The following SLC49A4 variants were observed in gnomAD, a reference collection of about 807,000 sequenced individuals.
The protein encoded by SLC49A4 is disrupted in renal cancer protein 2.
Under a neutral mutation model 50.6 loss-of-function variants are expected in SLC49A4, and 36 were observed. The ratio of observed to expected loss-of-function variants is 0.71; its 90% CI spans 0.55 to 0.94. The LOEUF is 0.94. Ranked by LOEUF, SLC49A4 falls within the 40% of genes least tolerant of loss-of-function variation. The probability of loss-of-function intolerance (pLI) is 0.00; values close to 1 mark genes in which losing one functional copy is unlikely to be tolerated. For missense variants in SLC49A4, 503 were observed against 605.7 expected, an observed-to-expected ratio of 0.83 and a Z score of 1.78; for synonymous variants, 248 against 241.2, an observed-to-expected ratio of 1.03 and a Z score of -0.26.
chr3:122,839,184 A>C (rs148481647), intron 4 of SLC49A4, among the ~76,000 whole-genome samples: 1,822 of 152,314 alleles, frequency 0.012, 26 homozygotes, highest in Non-Finnish European at 0.017. Context: ...AAAACTGGCA[A>C]GCCACAAGTA....
At chr3:122,835,565 A>T (rs1411565333) in intron 4 of SLC49A4, among the ~76,000 whole-genome samples, 7 of 147,972 alleles carry the variant, frequency 4.7e-5, no homozygotes, top group East Asian at 3.9e-4. Flanking sequence ...TCTTTATGAT[A>T]AAAAAAAAAC....
chr3:122,868,899 A>G (rs748664438), intron 7 of SLC49A4, among the ~76,000 whole-genome samples: 3 of 152,186 alleles, frequency 2.0e-5, no homozygotes, highest in Non-Finnish European at 4.4e-5. Flanking sequence ...TTTATCCTAC[A>G]TATAGTAGCC....
intron 3 of SLC49A4, among the ~76,000 whole-genome samples, chr3:122,832,673 A>G (rs1473412984): frequency 6.6e-6 from 1 of 152,064 alleles, no homozygotes; most frequent in Non-Finnish European, 1.5e-5. Context: ...CTTTTATAGT[A>G]AGGTACTGTT....
At chr3:122,821,711 C>T (rs1936455253) in intron 2 of SLC49A4, among the ~76,000 whole-genome samples, 2 of 152,180 alleles carry the variant, frequency 1.3e-5, no homozygotes, top group Admixed American at 1.3e-4. Flanking sequence ...TTCTGCCCAC[C>T]CTTCCCAAGT....
intron 8 of SLC49A4, among the ~76,000 whole-genome samples, chr3:122,873,183 C>CTT (rs11297324): frequency 6.9e-6 from 1 of 145,738 alleles, no homozygotes. Flanking sequence ...AATTTTGAAA[C>CTT]TTTTTTTTTT....
chr3:122,800,645 T>A (rs1304101910), intron 1 of SLC49A4, among the ~76,000 whole-genome samples: 1 of 152,156 alleles, frequency 6.6e-6, no homozygotes, highest in East Asian at 1.9e-4. Flanking sequence ...TGGGATGTGG[T>A]CCTCCAGGGC....
chr3:122,833,975 T>G (rs1936640783), intron 4 of SLC49A4, among the ~76,000 whole-genome samples: 1 of 152,180 alleles, frequency 6.6e-6, no homozygotes, highest in Non-Finnish European at 1.5e-5. Context: ...TTATTTAATT[T>G]TATTGGTATA....
chr3:122,831,966 CA>C (rs564682072), intron 3 of SLC49A4, among the ~76,000 whole-genome samples: 371 of 130,662 alleles, frequency 2.8e-3, no homozygotes, highest in African/African-American at 5.2e-3. Flanking sequence ...CTGAAAACAC[CA>C]AAAAAAAAAA....
Position 122,835,907 on chromosome 3 carries a change from C to G in SLC49A4, c.833+2461C>G, listed in dbSNP as rs530312961. Among the ~76,000 whole-genome samples, 18 of 152,214 alleles carry G rather than the reference C, an allele frequency of 1.2e-4. No individual in the cohort carries two copies. The South Asian group carries it at 3.3e-3, about 28-fold the overall frequency. ...ATTTGATAAATGAATTCAGTAAACT[C>G]TCAGGTTACAAAATCAGTGTACACA... On this transcript the variant is annotated intron_variant, in intron 4 of 8. Transcript: ENST00000261038.
At chr3:122,851,705 A>G (rs891774312) in intron 5 of SLC49A4, among the ~76,000 whole-genome samples, 3 of 152,084 alleles carry the variant, frequency 2.0e-5, no homozygotes, top group African/African-American at 2.4e-5. Flanking sequence ...GAAAATTTCT[A>G]GTCAGTGTCT....
chr3:122,869,368 A>G (rs1305553415), intron 7 of SLC49A4, among the ~76,000 whole-genome samples: 3 of 152,100 alleles, frequency 2.0e-5, no homozygotes, highest in African/African-American at 7.2e-5. Flanking sequence ...TTTTTCACTT[A>G]TGTATCTTAG....
At chr3:122,823,463 T>C (rs1308775812) in intron 2 of SLC49A4, among the ~76,000 whole-genome samples, 2 of 152,268 alleles carry the variant, frequency 1.3e-5, no homozygotes, top group Admixed American at 1.3e-4. Flanking sequence ...TTTTTCTTTA[T>C]ATTCCTGCTA....
chr3:122,846,423 A>T (rs78718045), intron 5 of SLC49A4, among the ~76,000 whole-genome samples: 5 of 152,014 alleles, frequency 3.3e-5, no homozygotes, highest in South Asian at 2.1e-4. Flanking sequence ...AAAAAAAAAA[A>T]TTTGTCTATT....
chr3:122,850,171 C>T (rs776530996), intron 5 of SLC49A4, among the ~76,000 whole-genome samples: 14 of 152,204 alleles, frequency 9.2e-5, no homozygotes, highest in African/African-American at 1.9e-4. Flanking sequence ...TCAGAAAAAT[C>T]GGATCCGTCA....
intron 1 of SLC49A4, among the ~76,000 whole-genome samples, chr3:122,799,078 G>C (rs546237785): frequency 2.0e-5 from 3 of 152,052 alleles, no homozygotes; most frequent in Non-Finnish European, 2.9e-5. Context: ...GTGTGCCCTC[G>C]AAGCTAACTA....
In SLC49A4 at chr3:122,832,557, A is replaced by C. The variant is rs113913775; in HGVS notation, c.704-760A>C. Reference sequence around the variant, plus strand: ...TCTGTCTTATACAATGCATCAGACTATCCTATTATGAATCAAACAAACCTC... The same window carrying C: ...TCTGTCTTATACAATGCATCAGACTCTCCTATTATGAATCAAACAAACCTC... On this transcript the variant is annotated intron_variant, in intron 3 of 8. Transcript: ENST00000261038. Among the ~76,000 whole-genome samples, 57 of 152,306 alleles carry C rather than the reference A, an allele frequency of 3.7e-4. 1 individual carries two copies. The highest frequency in any genetic ancestry group is 1.4e-3 in the African/African-American group (57 of 41,580).
intron 2 of SLC49A4, among the ~76,000 whole-genome samples, chr3:122,819,027 G>A (rs1018536813): frequency 2.0e-5 from 3 of 151,944 alleles, no homozygotes; most frequent in African/African-American, 4.8e-5. Flanking sequence ...GCCAAGGCAG[G>A]AGGATCACTT....
At chr3:122,855,273 A>T (rs1936972515) in intron 5 of SLC49A4, among the ~76,000 whole-genome samples, 1 of 152,194 alleles carries the variant, frequency 6.6e-6, no homozygotes. Context: ...TTATTCTGGC[A>T]ACAGTGAGCA....
At position 122,795,372 on chromosome 3, in the gene SLC49A4, GCTGGCGTT is replaced by G. The variant is rs763324187; in HGVS notation, c.182_189del (p.Leu61ArgfsTer81). 6.3e-7 allele frequency: 1 copy of G among 1,598,640 alleles called. No homozygotes were observed. Among genetic ancestry groups the G allele is most frequent in the Non-Finnish European group, 8.5e-7 (1 of 1,176,446 alleles). On this transcript the variant is annotated frameshift_variant, in exon 1 of 9. Transcript: ENST00000261038. LOFTEE classifies it high-confidence loss of function. ...GGCTGGTGCTGCTGCTCTTCTCGCT[GCTGGCGTT>G]CGTTCAGGGCCTGGTCTGGAACACC...
Sources: allele counts gnomAD v4.1 joint callset (sites outside exome capture counted in the v4.1 genomes callset), GRCh38; gene constraint gnomAD v4.1.1; transcripts MANE v1.5; gene names NCBI Gene and HGNC (gene_info 2026-07-23, HGNC 2026-07-21).